Variants in SH3GL2 observed in about 807,000 individuals in gnomAD.
SH3GL2 encodes SH3 domain containing GRB2 like 2, endophilin A1.
In SH3GL2, 24 loss-of-function variants were observed where a neutral mutation model predicts 46.0. That is an observed-to-expected ratio of 0.52 (90% confidence interval 0.38 to 0.73). The LOEUF (loss-of-function observed/expected upper bound fraction) is 0.73, where lower values mean the gene tolerates loss of function less well. Among genes scored for constraint, SH3GL2 ranks in the 30% least tolerant of loss-of-function variants. SH3GL2 has a pLI of 0.00. For synonymous variants in SH3GL2, 196 were observed against 147.1 expected (o/e 1.33, Z -2.40); for missense variants, 413 against 424.2 (o/e 0.97, Z 0.23).
chr9:17,741,117 C>T (rs1473969512), intron 1 of SH3GL2, among the ~76,000 whole-genome samples: 1 of 152,028 alleles, frequency 6.6e-6, no homozygotes, highest in Non-Finnish European at 1.5e-5. Flanking sequence ...TTTATGAATT[C>T]TGATTTCTAC....
At chr9:17,791,077 ACTAT>A (rs1379166808) in intron 6 of SH3GL2, among the ~76,000 whole-genome samples, 150 bp from the exon 7 acceptor site, 5 of 152,162 alleles carry the variant, frequency 3.3e-5, no homozygotes, top group Non-Finnish European at 7.4e-5. Flanking sequence ...AACCTGCAGA[ACTAT>A]CTATCTTAGT....
At chr9:17,751,474 G>T (rs9298782) in intron 2 of SH3GL2, among the ~76,000 whole-genome samples, 105 of 143,984 alleles carry the variant, frequency 7.3e-4, no homozygotes, top group African/African-American at 2.7e-3. Flanking sequence ...GTGTTTTTGT[G>T]TGTGCGTGTG....
chr9:17,630,746 T>G lies in SH3GL2; in HGVS notation c.45+51459T>G, dbSNP rs3808740. ...GAGCTCAAATATTTCCTGTTCATTA[T>G]GCAATAATGTAGCCTTTCGAGTCTC... On this transcript the variant is annotated intron_variant, in intron 1 of 8. Coordinates refer to ENST00000380607, the MANE Select transcript of SH3GL2 (RefSeq NM_003026.5). Among the ~76,000 whole-genome samples the G allele has an allele frequency of 1.8e-4, 27 of 152,272 alleles. No homozygotes were observed. In the East Asian group the frequency reaches 5.2e-3, roughly 29 times the overall value.
At chr9:17,721,074 C>T (rs1821883971) in intron 1 of SH3GL2, among the ~76,000 whole-genome samples, 1 of 152,058 alleles carries the variant, frequency 6.6e-6, no homozygotes, top group Admixed American at 6.6e-5. Flanking sequence ...CTCGCACTCT[C>T]CTCTGGCTAG....
intron 1 of SH3GL2, among the ~76,000 whole-genome samples, chr9:17,626,790 A>G (rs951544836): frequency 1.3e-5 from 2 of 152,162 alleles, no homozygotes; most frequent in South Asian, 2.1e-4. Context: ...TCTTCTTCAC[A>G]TTCCTTTGGA....
At chr9:17,627,262 T>C (rs1317665245) in intron 1 of SH3GL2, among the ~76,000 whole-genome samples, 1 of 152,126 alleles carries the variant, frequency 6.6e-6, no homozygotes, top group Non-Finnish European at 1.5e-5. Flanking sequence ...CATATATTGC[T>C]CCAAAGCTTA....
Position 17,623,062 on chromosome 9 carries a change from C to A in SH3GL2, c.45+43775C>A, listed in dbSNP as rs3780243. ...TTTCCTTCCCCTTCCCCTTCCCCTT[C>A]CCCTTCCCCTTCCCCTTCCCCTTCC... is the stretch of plus-strand genomic sequence containing the variant. On this transcript the variant is annotated intron_variant, in intron 1 of 8. Transcript: ENST00000380607. 5.6e-5 allele frequency among the ~76,000 whole-genome samples: 4 copies of A among 71,434 alleles called. No homozygotes were observed. In the South Asian group the frequency reaches 2.6e-3, roughly 47 times the overall value. The allele number at this position is 71,434 out of a possible 152,430, so 46.9% of individuals were successfully genotyped here. A position where few individuals can be genotyped will look rare whatever the true frequency, so the allele number is the denominator to read the frequency against.
chr9:17,795,986 C>T lies in SH3GL2; in HGVS notation c.*243C>T. On this transcript the variant is annotated 3_prime_UTR_variant, in exon 9 of 9. Transcript: ENST00000380607. ...ACATCATCTGAGACCAGCCAGTAGTCACAGAACTGCTGTTTACACAGTTCT... is the reference window on the plus strand; with the variant it reads ...ACATCATCTGAGACCAGCCAGTAGTTACAGAACTGCTGTTTACACAGTTCT... The T allele has an allele frequency of 1.9e-6, 1 of 516,320 alleles. No homozygotes were observed. Among genetic ancestry groups the T allele is most frequent in the Non-Finnish European group, 3.5e-6 (1 of 287,462 alleles). 32.0% of individuals were successfully genotyped at this position (516,320 alleles called of 1,614,324 possible). A position where few individuals can be genotyped will look rare whatever the true frequency, so the allele number is the denominator to read the frequency against.
chr9:17,746,945 C>T lies in SH3GL2; in HGVS notation c.46-121C>T, dbSNP rs1405808166. The T allele has an allele frequency of 1.8e-5, 12 of 666,656 alleles. No individual in the cohort carries two copies. The East Asian group carries it at 3.1e-4, about 17-fold the overall frequency. The allele number at this position is 666,656 out of a possible 1,614,324, so 41.3% of individuals were successfully genotyped here. A position where few individuals can be genotyped will look rare whatever the true frequency, so the allele number is the denominator to read the frequency against. On this transcript the variant is annotated intron_variant, in intron 1 of 8. Transcript: ENST00000380607. ...CTGCTATAAAAATGAGACTCTCCAC[C>T]TAAGTCAGGGAATGGTTGTGAGATT...
chr9:17,793,471 C>T lies in SH3GL2; in HGVS notation c.833C>T (p.Ser278Phe), dbSNP rs200824412. The T allele has an allele frequency of 6.7e-5, 108 of 1,612,988 alleles. No individual in the cohort carries two copies. Among genetic ancestry groups the T allele is most frequent in the Admixed American group, 5.4e-4 (32 of 59,792 alleles). The change falls in exon 8 of 9, where the codon TCC becomes TTC. Residue 278 changes from serine to phenylalanine, a missense_variant. Transcript: ENST00000380607. Reference protein sequence around the residue: ...GDSTQPNGGLSHTGTPKPSGV... With the variant: ...GDSTQPNGGLFHTGTPKPSGV... Reference sequence around the variant, plus strand: ...AGTACTCAGCCCAATGGGGGTCTCTCCCACACAGGCACTCCCAAACCTTCA... The same window carrying T: ...AGTACTCAGCCCAATGGGGGTCTCTTCCACACAGGCACTCCCAAACCTTCA...
chr9:17,609,728 A>G (rs1400020716), intron 1 of SH3GL2, among the ~76,000 whole-genome samples: 3 of 152,208 alleles, frequency 2.0e-5, no homozygotes, highest in African/African-American at 4.8e-5. Context: ...TTTGTTCTCT[A>G]AAAGAAAGTT....
chr9:17,635,191 T>C (rs1819515078), intron 1 of SH3GL2, among the ~76,000 whole-genome samples: 1 of 152,142 alleles, frequency 6.6e-6, no homozygotes, highest in Admixed American at 6.5e-5. Flanking sequence ...TGTGTGTCCA[T>C]GTGTTTTCAT....
chr9:17,736,546 C>T (rs760774162), intron 1 of SH3GL2, among the ~76,000 whole-genome samples: 2 of 152,042 alleles, frequency 1.3e-5, no homozygotes, highest in African/African-American at 4.8e-5. Context: ...AGCATGGTGC[C>T]AGTAGCTTCC....
At chr9:17,667,098 C>G (rs1656514552) in intron 1 of SH3GL2, among the ~76,000 whole-genome samples, 2 of 151,976 alleles carry the variant, frequency 1.3e-5, no homozygotes, top group Non-Finnish European at 2.9e-5. Flanking sequence ...TGGTGTTTAT[C>G]TTGTCTTTTA....
chr9:17,625,556 A>T (rs1819262531), intron 1 of SH3GL2, among the ~76,000 whole-genome samples: 1 of 152,244 alleles, frequency 6.6e-6, no homozygotes, highest in Non-Finnish European at 1.5e-5. Context: ...TTTTACAGAC[A>T]GGGAAACAAG....
intron 5 of SH3GL2, 45 bp from the exon 6 acceptor site, chr9:17,789,347 T>C (rs765730296): frequency 1.3e-6 from 2 of 1,554,614 alleles, no homozygotes; most frequent in Non-Finnish European, 8.8e-7. Flanking sequence ...ATAAGCCTTT[T>C]CCATAAGCCC....
chr9:17,602,498 A>G (rs1008730), intron 1 of SH3GL2, among the ~76,000 whole-genome samples: 89,226 of 152,018 alleles, frequency 0.59, 29,126 homozygotes, highest in Non-Finnish European at 0.72. Context: ...TTTCACCCCC[A>G]TCTCCAGGAG....
chr9:17,769,917 G>A (rs1682812931), intron 3 of SH3GL2, among the ~76,000 whole-genome samples: 2 of 152,160 alleles, frequency 1.3e-5, no homozygotes, highest in Non-Finnish European at 2.9e-5. Context: ...AGTCATTGAA[G>A]ACAAGGACTA....
chr9:17,668,547 G>A (rs1327113499), intron 1 of SH3GL2, among the ~76,000 whole-genome samples: 1 of 152,164 alleles, frequency 6.6e-6, no homozygotes, highest in African/African-American at 2.4e-5. Context: ...TTAATTTTGA[G>A]CTAAAGAAAG....
Sources: gnomAD v4.1 joint callset for allele counts (sites outside exome capture counted in the v4.1 genomes callset) on GRCh38, gnomAD v4.1.1 for gene constraint, MANE v1.5 for transcripts, NCBI Gene and HGNC (gene_info 2026-07-23, HGNC 2026-07-21) for gene names.